The following ACSM3 variants were observed in gnomAD, a reference collection of about 807,000 sequenced individuals.
ACSM3 encodes acyl-CoA synthetase medium chain family member 3.
Under a neutral mutation model 74.1 loss-of-function variants are expected in ACSM3, and 61 were observed. The ratio of observed to expected loss-of-function variants is 0.82; its 90% CI spans 0.67 to 1.02. The LOEUF (loss-of-function observed/expected upper bound fraction) is 1.02, where lower values mean the gene tolerates loss of function less well. ACSM3 is among the 50% of genes least tolerant of loss of function. The pLI, the probability that ACSM3 is intolerant of heterozygous loss-of-function variation, is 0.00. For missense variants in ACSM3, 660 were observed against 697.0 expected (o/e 0.95, Z 0.60); for synonymous variants, 213 against 241.5 (o/e 0.88, Z 1.09).
chr16:20,751,827 T>G (rs571744443), intron 2 of ACSM3, among the ~76,000 whole-genome samples: 2 of 152,334 alleles, frequency 1.3e-5, no homozygotes, highest in East Asian at 3.9e-4. Flanking sequence ...ACATGTTCAT[T>G]GTCAAAATCT....
intron 1 of ACSM3, chr16:20,685,108 GCT>G (rs1300063427): frequency 6.9e-7 from 1 of 1,441,548 alleles, no homozygotes. Context: ...TCAGTGCCAG[GCT>G]GGGTGCACAG....
rs183228324 is a variant in ACSM3 at position 20,793,556 on chromosome 16, G to A, written c.1554+1221G>A. On this transcript the variant is annotated intron_variant, in intron 12 of 13. Coordinates refer to ENST00000289416, the MANE Select transcript of ACSM3 (RefSeq NM_005622.4). The stretch of plus-strand genomic sequence containing the variant: ...GGAGGGTGGATCTCCCCCCAGGACT[G>A]ATTCCCCTAACTGATCTTTGATGCC... Among the ~76,000 whole-genome samples, 44 of 152,122 alleles carry A rather than the reference G, an allele frequency of 2.9e-4. 1 individual carries two copies. Among genetic ancestry groups the A allele is most frequent in the Admixed American group, 1.2e-3 (19 of 15,274 alleles).
At chr16:20,783,844 G>A (rs1190540525) in intron 7 of ACSM3, among the ~76,000 whole-genome samples, 1 of 147,386 alleles carries the variant, frequency 6.8e-6, no homozygotes, top group Non-Finnish European at 1.5e-5. Flanking sequence ...GTCTTGCTCT[G>A]TTGCCCAGGC....
intron 1 of ACSM3, among the ~76,000 whole-genome samples, chr16:20,697,479 TGAAGTGCCAA>T (rs2079695755): frequency 6.6e-6 from 1 of 151,492 alleles, no homozygotes; most frequent in Non-Finnish European, 1.5e-5. Flanking sequence ...GCCTCTAAAA[TGAAGTGCCAA>T]GAAGTTAAGT....
At chr16:20,773,046 T>A (rs913666209) in intron 2 of ACSM3, among the ~76,000 whole-genome samples, 2 of 152,210 alleles carry the variant, frequency 1.3e-5, no homozygotes, top group African/African-American at 2.4e-5. Flanking sequence ...GGGCTTTTTT[T>A]ATTACTGATT....
At chr16:20,720,556 T>C (rs1160328930) in intron 1 of ACSM3, among the ~76,000 whole-genome samples, 1 of 152,164 alleles carries the variant, frequency 6.6e-6, no homozygotes, top group Non-Finnish European at 1.5e-5. Flanking sequence ...GCAGCCCACC[T>C]CCTAACAGGC....
chr16:20,777,061 T>C (rs2080264397), intron 3 of ACSM3, among the ~76,000 whole-genome samples: 1 of 152,230 alleles, frequency 6.6e-6, no homozygotes, highest in Non-Finnish European at 1.5e-5. Flanking sequence ...TATAATCAAA[T>C]ACTCAATAAA....
chr16:20,692,061 C>G (rs561672175), intron 1 of ACSM3, among the ~76,000 whole-genome samples: 1 of 152,266 alleles, frequency 6.6e-6, no homozygotes, highest in African/African-American at 2.4e-5. Context: ...AAAGATTCTC[C>G]TTTGCCTGAG....
intron 1 of ACSM3, among the ~76,000 whole-genome samples, chr16:20,696,536 C>T (rs8047205): frequency 0.62 from 94,013 of 152,110 alleles, 30,198 homozygotes; most frequent in Non-Finnish European, 0.72. Flanking sequence ...CAAGTATTTA[C>T]TATAGATGTA....
At position 20,776,034 on chromosome 16, in the gene ACSM3, G is replaced by A. The variant is rs774633759; in HGVS notation, c.415G>A (p.Ala139Thr). 4 of 1,614,042 alleles carry A rather than the reference G, an allele frequency of 2.5e-6. No individual in the cohort carries two copies. The South Asian group carries it at 3.3e-5, about 13-fold the overall frequency. Residue 139 changes from alanine to threonine, a missense_variant, in exon 3 of 14, where the codon GCC (alanine) becomes ACC (threonine). Ala to Thr is a moderately conservative substitution (Grantham distance 58, BLOSUM62 0). Coordinates refer to ENST00000289416, the MANE Select transcript of ACSM3 (RefSeq NM_005622.4). ...RVPEWWLANVACLRTGTVLIP... is the reference protein window; with the variant it reads ...RVPEWWLANVTCLRTGTVLIP... The stretch of plus-strand genomic sequence containing the variant: ...CCCAGAGTGGTGGCTTGCAAATGTG[G>A]CCTGTCTGCGAACAGGTTAGTAATG...
intron 1 of ACSM3, among the ~76,000 whole-genome samples, chr16:20,730,152 A>G (rs997356623): frequency 1.3e-5 from 2 of 152,204 alleles, no homozygotes; most frequent in Non-Finnish European, 2.9e-5. Context: ...GTTGGTGTCA[A>G]TCCCACCAGA....
chr16:20,675,456 C>G (rs2020217787), intron 1 of ACSM3, among the ~76,000 whole-genome samples: 1 of 152,068 alleles, frequency 6.6e-6, no homozygotes, highest in Non-Finnish European at 1.5e-5. Context: ...ACGTTCCTGG[C>G]TAAGCAGCGT....
intron 1 of ACSM3, chr16:20,725,577 T>C (rs1175509241): frequency 6.3e-6 from 1 of 158,764 alleles, no homozygotes; most frequent in Non-Finnish European, 1.4e-5. Flanking sequence ...AATAATTCTG[T>C]GTCATCGAGG....
chr16:20,675,366 G>A (rs1020905382), intron 1 of ACSM3, among the ~76,000 whole-genome samples: 2 of 152,164 alleles, frequency 1.3e-5, no homozygotes, highest in Non-Finnish European at 2.9e-5. Context: ...AGGCGAGTGT[G>A]GGGGAAATCA....
chr16:20,740,733 G>T (rs2079910747), intron 1 of ACSM3, among the ~76,000 whole-genome samples: 1 of 152,158 alleles, frequency 6.6e-6, no homozygotes, highest in Non-Finnish European at 1.5e-5. Flanking sequence ...TATTGGTCCA[G>T]ATTCTAAGCC....
At chr16:20,728,805 T>A (rs1596486801) in intron 1 of ACSM3, among the ~76,000 whole-genome samples, 1 of 150,778 alleles carries the variant, frequency 6.6e-6, no homozygotes, top group Non-Finnish European at 1.5e-5. Flanking sequence ...AGGAACTACC[T>A]TTTTTAAAAA....
chr16:20,744,770 CTTTTT>C (rs1397479467), intron 1 of ACSM3, among the ~76,000 whole-genome samples: 4 of 152,216 alleles, frequency 2.6e-5, no homozygotes, highest in African/African-American at 9.6e-5. Context: ...CCTCACTTTT[CTTTTT>C]ATGTCCATAA....
chr16:20,784,109 C>T (rs560735755), intron 7 of ACSM3, among the ~76,000 whole-genome samples: 88 of 152,230 alleles, frequency 5.8e-4, no homozygotes, highest in Non-Finnish European at 1.1e-3. Context: ...CCTGGCCTTT[C>T]CTTCTCTATT....
chr16:20,699,874 ACT>A (rs919079648), intron 1 of ACSM3, among the ~76,000 whole-genome samples: 8 of 151,846 alleles, frequency 5.3e-5, no homozygotes, highest in African/African-American at 1.9e-4. Context: ...ACAAAGGAAA[ACT>A]CTCCAAACAT....
Sources: allele counts gnomAD v4.1 joint callset (sites outside exome capture counted in the v4.1 genomes callset), GRCh38; gene constraint gnomAD v4.1.1; transcripts MANE v1.5; gene names NCBI Gene and HGNC (gene_info 2026-07-23, HGNC 2026-07-21).